Variants in PASK observed in about 807,000 individuals in gnomAD.
PASK encodes the protein PAS domain containing serine/threonine kinase, also known as PAS domain-containing serine/threonine-protein kinase.
PASK carries 110 observed loss-of-function variants against 121.0 expected under a neutral mutation model. The ratio of observed to expected loss-of-function variants is 0.91; its 90% CI spans 0.78 to 1.06. The LOEUF (loss-of-function observed/expected upper bound fraction) is 1.06, where lower values mean the gene tolerates loss of function less well. Among genes scored for constraint, PASK ranks in the 50% least tolerant of loss-of-function variants. The probability of loss-of-function intolerance (pLI) is 0.00; values close to 1 mark genes in which losing one functional copy is unlikely to be tolerated. For missense variants in PASK, 1,643 were observed against 1,702.3 expected (o/e 0.97, Z 0.61); for synonymous variants, 686 against 717.8 (o/e 0.96, Z 0.71).
intron 8 of PASK, 54 bp from the exon 9 acceptor site, chr2:241,133,084 G>GA (rs2066243215): frequency 3.2e-6 from 5 of 1,553,896 alleles, no homozygotes; most frequent in African/African-American, 1.4e-5. Context: ...TCCCTAAAAC[G>GA]AATCTGCTCA....
In PASK at chr2:241,126,245, C is replaced by G. The variant is rs779293021; in HGVS notation, c.2670G>C (p.Gln890His). Residue 890 changes from glutamine to histidine, a missense_variant, in exon 10 of 18, where the codon CAG becomes CAC. Gln to His is a conservative substitution (Grantham distance 24). This residue lies in a region of PASK where 1,176 missense variants were observed against 1,162.2 expected (regional missense o/e 1.01). Transcript: ENST00000234040. ...RGAAGLQREIQEGAYSGSCYH... is the reference protein window; with the variant it reads ...RGAAGLQREIHEGAYSGSCYH... ...AGCAGCTCCCGGAGTAGGCACCCTC[C>G]TGGATCTCCCGCTGCAGGCCAGCAG... 1.1e-5 allele frequency: 17 copies of G among 1,614,156 alleles called. No individual in the cohort carries two copies. The highest frequency in any genetic ancestry group is 3.3e-4 in the Middle Eastern group (2 of 6,062).
In PASK at chr2:241,122,717, C is replaced by G. The variant is rs370221356; in HGVS notation, c.3072+15G>C. 5.1e-5 allele frequency: 83 copies of G among 1,613,438 alleles called. 1 individual carries two copies. The highest frequency in any genetic ancestry group is 3.3e-4 in the South Asian group (30 of 91,064). ...AGTGGTGCCCGGCGCCACTCCCCCC[C>G]CACAGCCAGGTTACCTCCTTGTTTT... On this transcript the variant is annotated intron_variant, in intron 12 of 17. Coordinates refer to ENST00000234040, the MANE Select transcript of PASK (RefSeq NM_015148.4).
intron 8 of PASK, chr2:241,133,982 CAAAAA>C (rs371863045): frequency 6.8e-5 from 8 of 118,052 alleles, no homozygotes; most frequent in Non-Finnish European, 1.1e-4. Context: ...AACTCTGTCT[CAAAAA>C]AAAAAAAAAA....
intron 9 of PASK, chr2:241,127,797 G>C: frequency 2.6e-6 from 1 of 378,794 alleles, no homozygotes; most frequent in South Asian, 2.2e-5. Flanking sequence ...CCTGCAAGGG[G>C]AAGTCCGTGC....
At chr2:241,123,424 C>T (rs1010896601) in intron 11 of PASK, among the ~76,000 whole-genome samples, 2 of 152,004 alleles carry the variant, frequency 1.3e-5, no homozygotes, top group African/African-American at 2.4e-5. Context: ...GTGATCCACC[C>T]GCCTTGGCCT....
At chr2:241,124,339 G>T (rs566632876) in intron 10 of PASK, among the ~76,000 whole-genome samples, 1 of 152,160 alleles carries the variant, frequency 6.6e-6, no homozygotes. Flanking sequence ...TGTCAGGGCC[G>T]GCCAGGGAAA....
At chr2:241,130,540 C>T (rs1249726765) in intron 9 of PASK, among the ~76,000 whole-genome samples, 3 of 152,156 alleles carry the variant, frequency 2.0e-5, no homozygotes, top group Non-Finnish European at 2.9e-5. Flanking sequence ...CCCTCAACCA[C>T]GGCCGCCCCA....
At chr2:241,144,019 G>T (rs1236635347) in intron 1 of PASK, among the ~76,000 whole-genome samples, 4 of 152,228 alleles carry the variant, frequency 2.6e-5, no homozygotes, top group Non-Finnish European at 2.9e-5. Flanking sequence ...GAGTGTCACA[G>T]CCAGGAAACT....
intron 12 of PASK, 21 bp downstream of exon 12, chr2:241,122,710 TC>T (rs200267396): frequency 1.1e-4 from 171 of 1,587,154 alleles, no homozygotes; most frequent in East Asian, 2.5e-4. Flanking sequence ...CCGGCGCCAC[TC>T]CCCCCCCACA....
chr2:241,106,823 T>C, intron 17 of PASK, 100 bp from the exon 18 acceptor site: 1 of 1,213,154 alleles, frequency 8.2e-7, no homozygotes, highest in Non-Finnish European at 1.2e-6. Context: ...AAGCCTAAGG[T>C]GAGGCCCTCA....
chr2:241,126,195 C>G lies in PASK; in HGVS notation c.2719+1G>C. The G allele has an allele frequency of 6.2e-7, 1 of 1,613,930 alleles. No individual in the cohort carries two copies. The highest frequency in any genetic ancestry group is 8.5e-7 in the Non-Finnish European group (1 of 1,179,972). Reference sequence around the variant, plus strand: ...TTCTTCCTATGGGGCCCGGGACATACTCAGCCGTAAGCCATCTCGATGGTA... The same window carrying G: ...TTCTTCCTATGGGGCCCGGGACATAGTCAGCCGTAAGCCATCTCGATGGTA... On this transcript the variant is annotated splice_donor_variant, in intron 10 of 17. Coordinates refer to ENST00000234040, the MANE Select transcript of PASK (RefSeq NM_015148.4). LOFTEE classifies it high-confidence loss of function.
intron 8 of PASK, 119 bp downstream of exon 8, chr2:241,135,752 C>T (rs770019806): frequency 1.8e-5 from 17 of 931,080 alleles, no homozygotes; most frequent in Non-Finnish European, 2.9e-5. Flanking sequence ...CCGCCCCCCA[C>T]CACCCCTGAG....
chr2:241,150,251 C>T, upstream of PASK: 8 of 1,292,414 alleles, frequency 6.2e-6, no homozygotes, highest in Non-Finnish European at 7.8e-6. Context: ...CTCTGCTTTC[C>T]TTCCCAGCTT....
chr2:241,132,746 TCAA>T lies in PASK; in HGVS notation c.1463+125_1463+127del, dbSNP rs554684030. The T allele has an allele frequency of 8.5e-5, 69 of 807,402 alleles. No homozygotes were observed. In the African/African-American group the frequency reaches 1.1e-3, roughly 13 times the overall value. 50.0% of individuals were successfully genotyped at this position (807,402 alleles called of 1,614,324 possible). On this transcript the variant is annotated intron_variant, in intron 9 of 17. Coordinates refer to ENST00000234040, the MANE Select transcript of PASK (RefSeq NM_015148.4). ...AGTGTGTGTGGAAGAGAGCAGGTGCTCAACACATGTGAGTTTTCAATGTTACTA... is the reference window on the plus strand; with the variant it reads ...AGTGTGTGTGGAAGAGAGCAGGTGCTCACATGTGAGTTTTCAATGTTACTA...
intron 12 of PASK, among the ~76,000 whole-genome samples, chr2:241,115,653 A>C (rs1466567067): frequency 2.5e-4 from 33 of 130,330 alleles, no homozygotes; most frequent in East Asian, 4.8e-4. Flanking sequence ...CACCAGGGAC[A>C]CCCGGTCCTC....
chr2:241,138,111 T>C (rs921214916), intron 5 of PASK, 24 bp from the exon 6 acceptor site: 2 of 1,612,954 alleles, frequency 1.2e-6, no homozygotes, highest in Non-Finnish European at 1.7e-6. Flanking sequence ...CCCGTGCTTA[T>C]CATAAAAGCT....
chr2:241,137,225 C>G lies in PASK; in HGVS notation c.916G>C (p.Gly306Arg). 1 of 1,612,820 alleles carries G rather than the reference C, an allele frequency of 6.2e-7. No homozygotes were observed. Among genetic ancestry groups the G allele is most frequent in the Non-Finnish European group, 8.5e-7 (1 of 1,178,836 alleles). The change falls in exon 7 of 18, where the codon GGT becomes CGT. Residue 306 changes from glycine (G) to arginine (R), a missense_variant. Around this residue, in one of 3 missense-constraint regions of PASK, gnomAD observed 1,176 missense variants for 1,162.2 expected, o/e 1.01. Transcript: ENST00000234040. ...IQRSVGRARDGTTFPLSLKLK... is the reference protein window; with the variant it reads ...IQRSVGRARDRTTFPLSLKLK... ...TTTAAGCTCAGAGGGAAGGTGGTAC[C>G]GTCCCTGGCTCTTCCAACAGACCTC...
intron 1 of PASK, among the ~76,000 whole-genome samples, chr2:241,146,040 A>T (rs1435907686): frequency 1.3e-5 from 2 of 152,230 alleles, no homozygotes; most frequent in Non-Finnish European, 2.9e-5. Context: ...TTTGCCACAT[A>T]CATAACCAAC....
At chr2:241,114,695 G>A (rs1003580509) in intron 14 of PASK, 18 of 1,297,008 alleles carry the variant, frequency 1.4e-5, no homozygotes, top group South Asian at 8.6e-5. Context: ...CCGCTGTGCC[G>A]CACACATGCC....
Sources: gnomAD v4.1 joint callset for allele counts (sites outside exome capture counted in the v4.1 genomes callset) on GRCh38, gnomAD v4.1.1 for gene constraint, gnomAD v4.1.1 regional missense constraint, MANE v1.5 for transcripts, NCBI Gene and HGNC (gene_info 2026-07-23, HGNC 2026-07-21) for gene names.